The following CYP2C18 variants were observed in gnomAD, a reference collection of about 807,000 sequenced individuals.
CYP2C18 encodes the protein cytochrome P450 family 2 subfamily C member 18.
A neutral mutation model predicts 41.3 loss-of-function variants in CYP2C18; 38 were observed. That is an observed-to-expected ratio of 0.92 (90% CI 0.71 to 1.21). The LOEUF is 1.21. CYP2C18 is among the 50% of genes most tolerant of loss of function. The pLI, the probability that CYP2C18 is intolerant of heterozygous loss-of-function variation, is 0.00. For missense variants in CYP2C18, 635 were observed against 591.4 expected, an observed-to-expected ratio of 1.07 and a Z score of -0.77; for synonymous variants, 236 against 210.0, an observed-to-expected ratio of 1.12 and a Z score of -1.07.
Position 94,685,716 on chromosome 10 carries a change from T to G in CYP2C18, c.168+1729T>G, listed in dbSNP as rs143232301. Among the ~76,000 whole-genome samples, 429 of 152,310 alleles carry G rather than the reference T, an allele frequency of 2.8e-3. 2 individuals are homozygous for G. The highest frequency in any genetic ancestry group is 7.2e-3 in the Admixed American group (110 of 15,286). On this transcript the variant is annotated intron_variant, in intron 1 of 8. Coordinates refer to ENST00000285979, the MANE Select transcript of CYP2C18 (RefSeq NM_000772.3). ...TCAATTGATTATAGATGTGTGGGCTTATTTCAGGGTTCTCTACGCTTTTCC... is the reference window on the plus strand; with the variant it reads ...TCAATTGATTATAGATGTGTGGGCTGATTTCAGGGTTCTCTACGCTTTTCC...
intron 4 of CYP2C18, among the ~76,000 whole-genome samples, chr10:94,700,861 A>G (rs1847226657): frequency 6.6e-6 from 1 of 152,270 alleles, no homozygotes; most frequent in South Asian, 2.1e-4. Context: ...CAAAGGACAC[A>G]TGAAAAAATG....
At chr10:94,710,113 G>C (rs973004857) in intron 5 of CYP2C18, among the ~76,000 whole-genome samples, 6 of 152,094 alleles carry the variant, frequency 3.9e-5, no homozygotes, top group Admixed American at 2.6e-4. Context: ...GGGATTACAG[G>C]CATGTGCCAC....
intron 5 of CYP2C18, among the ~76,000 whole-genome samples, chr10:94,719,625 A>G (rs1847615469): frequency 6.6e-6 from 1 of 151,664 alleles, no homozygotes; most frequent in Admixed American, 6.6e-5. Flanking sequence ...CCCAGGATAG[A>G]GTGCAGTGGT....
chr10:94,731,352 G>C (rs6583952), intron 7 of CYP2C18, among the ~76,000 whole-genome samples: 73,193 of 151,380 alleles, frequency 0.48, 18,621 homozygotes, highest in African/African-American at 0.63. Flanking sequence ...TGTACTCCAG[G>C]CTGGGTGACA....
chr10:94,694,484 G>A (rs1326835), intron 3 of CYP2C18, among the ~76,000 whole-genome samples: 152,255 of 152,324 alleles, frequency 1, 76,093 homozygotes, highest in Non-Finnish European at 1. Flanking sequence ...TTAACTACTC[G>A]TTATATAGAA....
chr10:94,730,214 A>G (rs1438384662), intron 7 of CYP2C18, among the ~76,000 whole-genome samples: 2 of 152,128 alleles, frequency 1.3e-5, no homozygotes, highest in Admixed American at 6.6e-5. Context: ...ATATATACAC[A>G]TCCCATACTC....
chr10:94,719,621 A>T (rs1043754916), intron 5 of CYP2C18, among the ~76,000 whole-genome samples: 2 of 151,166 alleles, frequency 1.3e-5, no homozygotes, highest in African/African-American at 4.9e-5. Flanking sequence ...GTCACCCAGG[A>T]TAGAGTGCAG....
At chr10:94,726,743 C>T (rs528221163) in intron 7 of CYP2C18, among the ~76,000 whole-genome samples, 1 of 152,064 alleles carries the variant, frequency 6.6e-6, no homozygotes, top group Non-Finnish European at 1.5e-5. Context: ...TAATTTTTGT[C>T]TCAACATCTT....
chr10:94,735,516 C>G lies in CYP2C18; in HGVS notation c.*72C>G, dbSNP rs1000068655. On this transcript the variant is annotated 3_prime_UTR_variant, in exon 9 of 9. Transcript: ENST00000285979. ...TCCCTTATCAGGGCCATTGGCCTCT[C>G]CCTTCTCTCTGTGAGGGATATTTTC... 6.9e-7 allele frequency: 1 copy of G among 1,452,494 alleles called. No homozygotes were observed. The highest frequency in any genetic ancestry group is 2.3e-5 in the East Asian group (1 of 43,864). The allele number at this position is 1,452,494 out of a possible 1,614,324, so 90.0% of individuals were successfully genotyped here.
At chr10:94,731,596 C>T (rs760518400) in intron 7 of CYP2C18, among the ~76,000 whole-genome samples, 31 of 152,176 alleles carry the variant, frequency 2.0e-4, no homozygotes, top group East Asian at 3.9e-4. Context: ...ACCAAAATAG[C>T]GTAGTACTGG....
intron 5 of CYP2C18, among the ~76,000 whole-genome samples, chr10:94,718,923 A>G (rs1047857544): frequency 6.6e-5 from 10 of 152,106 alleles, no homozygotes; most frequent in Non-Finnish European, 1.5e-4. Flanking sequence ...TTGGGGATTC[A>G]TTCTCAATTG....
chr10:94,705,778 A>C (rs1847331997), intron 4 of CYP2C18, among the ~76,000 whole-genome samples: 1 of 152,198 alleles, frequency 6.6e-6, no homozygotes, highest in Non-Finnish European at 1.5e-5. Flanking sequence ...TTGTGGCATT[A>C]ACATCTGGGA....
chr10:94,730,303 A>G (rs1847805955), intron 7 of CYP2C18, among the ~76,000 whole-genome samples: 1 of 152,168 alleles, frequency 6.6e-6, no homozygotes, highest in Admixed American at 6.5e-5. Context: ...CTTGTTTCCA[A>G]ATAATGTTTT....
chr10:94,688,150 A>C lies in CYP2C18; in HGVS notation c.357A>C (p.Arg119Ser). 6.2e-7 allele frequency: 1 copy of C among 1,613,564 alleles called. No individual in the cohort carries two copies. Among genetic ancestry groups the C allele is most frequent in the Non-Finnish European group, 8.5e-7 (1 of 1,179,772 alleles). Residue 119 changes from arginine (R) to serine (S), a missense_variant, in exon 3 of 9, where the codon AGA becomes AGC. Physicochemically the swap from Arg to Ser is moderately radical, Grantham distance 110. Transcript: ENST00000285979. ...GAATCCTTTTCAGCAATGGAAAGAG[A>C]TGGAAGGAGATCCGGCGTTTCTGCC... ...GLGILFSNGK[R>S]WKEIRRFCLM...
chr10:94,709,811 G>A (rs1269459633), intron 5 of CYP2C18, among the ~76,000 whole-genome samples: 1 of 151,630 alleles, frequency 6.6e-6, no homozygotes, highest in Non-Finnish European at 1.5e-5. Flanking sequence ...TTCATTCTTT[G>A]CATGTGCATT....
chr10:94,693,815 C>T (rs1426015257), intron 3 of CYP2C18, among the ~76,000 whole-genome samples: 2 of 152,138 alleles, frequency 1.3e-5, no homozygotes, highest in South Asian at 2.1e-4. Context: ...ATGATACTCT[C>T]ACATGTAAAG....
intron 4 of CYP2C18, among the ~76,000 whole-genome samples, chr10:94,701,258 G>T (rs757222441): frequency 2.0e-5 from 3 of 152,024 alleles, no homozygotes; most frequent in East Asian, 3.9e-4. Context: ...AGAAAATATG[G>T]CACATATACA....
chr10:94,703,811 G>A (rs1847287643), intron 4 of CYP2C18, among the ~76,000 whole-genome samples: 1 of 152,208 alleles, frequency 6.6e-6, no homozygotes, highest in African/African-American at 2.4e-5. Context: ...CTAGCTTGGT[G>A]TCTGGCCAAG....
intron 5 of CYP2C18, among the ~76,000 whole-genome samples, chr10:94,708,395 T>G (rs964209308): frequency 3.3e-5 from 5 of 152,200 alleles, no homozygotes; most frequent in Admixed American, 3.3e-4. Flanking sequence ...TCCATTTTTG[T>G]ACACATTTAG....
Sources: allele counts gnomAD v4.1 joint callset (sites outside exome capture counted in the v4.1 genomes callset), GRCh38; gene constraint gnomAD v4.1.1; transcripts MANE v1.5; gene names NCBI Gene and HGNC (gene_info 2026-07-23, HGNC 2026-07-21).